RNF170: variants seen among roughly 807,000 people sequenced by gnomAD.
RNF170 encodes the protein ring finger protein 170.
Under a neutral mutation model 32.7 loss-of-function variants are expected in RNF170, and 12 were observed. That is an observed-to-expected ratio of 0.37 (90% confidence interval 0.24 to 0.60). The LOEUF (loss-of-function observed/expected upper bound fraction) is 0.60. Among genes scored for constraint, RNF170 ranks in the 20% least tolerant of loss-of-function variants. RNF170 has a pLI of 0.72. For missense variants in RNF170, 212 were observed against 311.2 expected, an observed-to-expected ratio of 0.68 and a Z score of 2.40; for synonymous variants, 91 against 103.6, an observed-to-expected ratio of 0.88 and a Z score of 0.74.
intron 1 of RNF170, among the ~76,000 whole-genome samples, chr8:42,894,091 G>C (rs1806540304): frequency 6.6e-6 from 1 of 152,218 alleles, no homozygotes. Context: ...GGCTTACGTA[G>C]AAACTCAGCA....
chr8:42,870,656 G>A (rs572771640), intron 3 of RNF170, among the ~76,000 whole-genome samples: 29 of 152,126 alleles, frequency 1.9e-4, no homozygotes, highest in African/African-American at 5.8e-4. Context: ...CTGAGCCTGG[G>A]AGGTTGAAGC....
rs1326094316 is a variant in RNF170, at chr8:42,887,747, G to C, written c.118C>G (p.Leu40Val). The C allele has an allele frequency of 2.5e-6, 4 of 1,613,974 alleles. No homozygotes were observed. Among genetic ancestry groups the C allele is most frequent in the Non-Finnish European group, 3.4e-6 (4 of 1,180,014 alleles). The change falls in exon 2 of 7, where the codon CTG becomes GTG. Residue 40 changes from leucine to valine, a missense_variant. This residue lies in a region of RNF170 where 115 missense variants were observed against 132.3 expected (regional missense o/e 0.87). Coordinates refer to ENST00000527424, the MANE Select transcript of RNF170 (RefSeq NM_030954.4). ...VVVSFALIAT[L>V]VYALFRNVHQ... is the part of the protein sequence containing the mutation. ...TCTCACCTGAAAAGTGCATATACCA[G>C]GGTAGCAATCAAAGCGAAACTGACC...
intron 6 of RNF170, among the ~76,000 whole-genome samples, chr8:42,858,150 G>A (rs1221303139): frequency 6.6e-6 from 1 of 151,910 alleles, no homozygotes; most frequent in Non-Finnish European, 1.5e-5. Context: ...TGTCACCGGA[G>A]GATATGTAAA....
intron 2 of RNF170, among the ~76,000 whole-genome samples, chr8:42,876,350 G>A (rs2128940317): frequency 6.6e-6 from 1 of 152,076 alleles, no homozygotes; most frequent in East Asian, 1.9e-4. Flanking sequence ...AATACTGCCT[G>A]TAACTCCCAT....
At chr8:42,867,775 C>CAAAAAAAAAA (rs1054907767) in intron 4 of RNF170, among the ~76,000 whole-genome samples, 1 of 24,764 alleles carries the variant, frequency 4.0e-5, no homozygotes, top group Non-Finnish European at 7.9e-5. Flanking sequence ...GACTCCATCT[C>CAAAAAAAAAA]AAAAAAAAAA....
chr8:42,851,833 A>G (rs763325648), downstream of RNF170, among the ~76,000 whole-genome samples: 3 of 152,200 alleles, frequency 2.0e-5, no homozygotes, highest in South Asian at 2.1e-4. Context: ...GGGTCTCACT[A>G]TGTTGCTCAG....
chr8:42,893,172 T>G (rs1806457831), intron 1 of RNF170, among the ~76,000 whole-genome samples: 11 of 152,200 alleles, frequency 7.2e-5, no homozygotes. Flanking sequence ...TCTTACATGT[T>G]GTAGTGGCCA....
rs1175611875 is a variant in RNF170 at position 42,855,195 on chromosome 8, T to C, written c.*964A>G. ...TTGTTTAAATGTCTAACTGTGAACATCAAGTGTGCTGACTGGAGATAAATG... is the reference window on the plus strand; with the variant it reads ...TTGTTTAAATGTCTAACTGTGAACACCAAGTGTGCTGACTGGAGATAAATG... On this transcript the variant is annotated 3_prime_UTR_variant, in exon 7 of 7. Transcript: ENST00000527424. The C allele has an allele frequency of 7.8e-7, 1 of 1,280,750 alleles. No individual in the cohort carries two copies. Among genetic ancestry groups the C allele is most frequent in the Admixed American group, 2.3e-5 (1 of 43,488 alleles). 79.3% of individuals were successfully genotyped at this position (1,280,750 alleles called of 1,614,324 possible). A position where few individuals can be genotyped will look rare whatever the true frequency, so the allele number is the denominator to read the frequency against.
downstream of RNF170, among the ~76,000 whole-genome samples, chr8:42,851,564 CAAAA>C (rs11345853): frequency 2.4e-5 from 2 of 82,552 alleles, no homozygotes; most frequent in Non-Finnish European, 2.7e-5. Flanking sequence ...GACTCCGTCT[CAAAA>C]AAAAAAAAAA....
At chr8:42,865,525 A>G in intron 4 of RNF170, 36 bp from the exon 5 acceptor site, 1 of 1,422,378 alleles carries the variant, frequency 7.0e-7, no homozygotes, top group African/African-American at 1.4e-5. Flanking sequence ...ATAACCCATT[A>G]ATATTGATGT....
chr8:42,861,525 T>C (rs1183066728), intron 6 of RNF170: 2 of 491,462 alleles, frequency 4.1e-6, no homozygotes, highest in Non-Finnish European at 7.4e-6. Flanking sequence ...GTGTTTTTTC[T>C]AGAGATGGGG....
chr8:42,895,378 C>G (rs566218565), intron 1 of RNF170, among the ~76,000 whole-genome samples: 171 of 152,178 alleles, frequency 1.1e-3, no homozygotes, highest in African/African-American at 3.1e-3. Flanking sequence ...ATGAGAAAAC[C>G]TACTCTTAAT....
chr8:42,867,041 C>T (rs1022957393), intron 4 of RNF170, among the ~76,000 whole-genome samples: 4 of 152,220 alleles, frequency 2.6e-5, no homozygotes. Context: ...GCTTAGCCCT[C>T]ATGTGTTCCT....
At chr8:42,876,510 C>G (rs1459752552) in intron 2 of RNF170, among the ~76,000 whole-genome samples, 1 of 151,982 alleles carries the variant, frequency 6.6e-6, no homozygotes, top group African/African-American at 2.4e-5. Flanking sequence ...AACAAGAAAA[C>G]CACCATCTAC....
At chr8:42,878,072 T>A (rs957539061) in intron 2 of RNF170, among the ~76,000 whole-genome samples, 1 of 149,898 alleles carries the variant, frequency 6.7e-6, no homozygotes, top group African/African-American at 2.5e-5. Context: ...AATCAATCAA[T>A]CAACGTTGTG....
Position 42,854,047 on chromosome 8 carries a change from A to G in RNF170, c.*2112T>C. 7.8e-7 allele frequency: 1 copy of G among 1,287,250 alleles called. No homozygotes were observed. Among genetic ancestry groups the G allele is most frequent in the Non-Finnish European group, 1.0e-6 (1 of 988,696 alleles). 79.7% of individuals were successfully genotyped at this position (1,287,250 alleles called of 1,614,324 possible). A position where few individuals can be genotyped will look rare whatever the true frequency, so the allele number is the denominator to read the frequency against. ...AGGAAATGCATTTCCAGTCTGGTAC[A>G]TGGCAGTGTGACAAACTCCTACTCA... On this transcript the variant is annotated 3_prime_UTR_variant, in exon 7 of 7. Transcript: ENST00000527424.
At chr8:42,882,397 A>G (rs919626449) in intron 2 of RNF170, among the ~76,000 whole-genome samples, 7 of 152,162 alleles carry the variant, frequency 4.6e-5, no homozygotes, top group South Asian at 2.1e-4. Context: ...TTAAATTTTA[A>G]TATTTCTTAG....
chr8:42,882,367 T>C (rs1184037654), intron 2 of RNF170, among the ~76,000 whole-genome samples: 1 of 152,176 alleles, frequency 6.6e-6, no homozygotes, highest in Non-Finnish European at 1.5e-5. Flanking sequence ...AAATATGGTA[T>C]GTACATACAA....
At chr8:42,859,625 AAACAAC>A (rs200717666) in intron 6 of RNF170, among the ~76,000 whole-genome samples, 4 of 151,906 alleles carry the variant, frequency 2.6e-5, no homozygotes, top group African/African-American at 9.7e-5. Context: ...AATCTGTCTC[AAACAAC>A]AACAACAACA....
Sources: allele counts gnomAD v4.1 joint callset (sites outside exome capture counted in the v4.1 genomes callset), GRCh38; gene constraint gnomAD v4.1.1; regional missense constraint gnomAD v4.1.1; transcripts MANE v1.5; gene names NCBI Gene and HGNC (gene_info 2026-07-23, HGNC 2026-07-21).